HSD17B12: variants seen among roughly 807,000 people sequenced by gnomAD.
HSD17B12 encodes the protein very-long-chain 3-oxoacyl-CoA reductase.
A neutral mutation model predicts 39.3 loss-of-function variants in HSD17B12; 32 were observed. The ratio of observed to expected loss-of-function variants is 0.81; its 90% CI spans 0.61 to 1.09. The LOEUF (loss-of-function observed/expected upper bound fraction) is 1.09, where lower values mean the gene tolerates loss of function less well. Ranked by LOEUF, HSD17B12 falls within the 50% of genes least tolerant of loss-of-function variation. The pLI is 0.00. For missense variants in HSD17B12, 342 were observed against 382.9 expected, an observed-to-expected ratio of 0.89 and a Z score of 0.89; for synonymous variants, 150 against 146.7, an observed-to-expected ratio of 1.02 and a Z score of -0.16.
At chr11:43,686,612 T>C (rs1405765495) in intron 1 of HSD17B12, among the ~76,000 whole-genome samples, 10 of 148,082 alleles carry the variant, frequency 6.8e-5, no homozygotes, top group Admixed American at 2.0e-4. Context: ...TTTTTTTTTT[T>C]CCTGTTCTTT....
intron 1 of HSD17B12, among the ~76,000 whole-genome samples, chr11:43,722,133 G>T (rs1035620640): frequency 6.6e-6 from 1 of 152,202 alleles, no homozygotes; most frequent in Non-Finnish European, 1.5e-5. Context: ...TAAATGGGTG[G>T]TCCCATGGGG....
the HSD17B12 span, among the ~76,000 whole-genome samples, chr11:43,651,324 A>G: frequency 6.6e-6 from 1 of 152,226 alleles, no homozygotes; most frequent in Admixed American, 6.5e-5. Context: ...GAGGTCAAAC[A>G]ATACTCCCTC....
the HSD17B12 span, among the ~76,000 whole-genome samples, chr11:43,658,561 A>C: frequency 6.6e-6 from 1 of 152,080 alleles, no homozygotes; most frequent in African/African-American, 2.4e-5. Flanking sequence ...TGACATACAG[A>C]TGGGTTTTTG....
chr11:43,730,832 A>T (rs1204141776), intron 1 of HSD17B12, among the ~76,000 whole-genome samples: 1 of 152,150 alleles, frequency 6.6e-6, no homozygotes, highest in Non-Finnish European at 1.5e-5. Context: ...CTCTGGCCCA[A>T]ACATAGGACT....
chr11:43,790,634 A>C (rs1950858870), intron 3 of HSD17B12, among the ~76,000 whole-genome samples: 1 of 152,228 alleles, frequency 6.6e-6, no homozygotes, highest in African/African-American at 2.4e-5. Context: ...TATGATTCAC[A>C]CTGAGAGCAG....
intron 1 of HSD17B12, among the ~76,000 whole-genome samples, chr11:43,715,411 A>C (rs1289470426): frequency 6.6e-6 from 1 of 152,136 alleles, no homozygotes. Flanking sequence ...GGTTCTGTTT[A>C]TATGCTGGAT....
the HSD17B12 span, among the ~76,000 whole-genome samples, chr11:43,637,944 T>C: frequency 9.8e-5 from 15 of 152,322 alleles, no homozygotes; most frequent in East Asian, 2.9e-3. Context: ...ACCATGGCCC[T>C]CTGTGCACTT....
intron 1 of HSD17B12, chr11:43,734,243 C>T: frequency 2.1e-6 from 3 of 1,396,178 alleles, no homozygotes; most frequent in Middle Eastern, 2.3e-4. Context: ...TGGGTTCATC[C>T]TGGACTACGT....
At chr11:43,844,981 GTTGTTTGT>G (rs71308376) in intron 9 of HSD17B12, among the ~76,000 whole-genome samples, 7 of 151,130 alleles carry the variant, frequency 4.6e-5, no homozygotes, top group Admixed American at 3.3e-4. Flanking sequence ...AAAATAAGGG[GTTGTTTGT>G]TTGTTTGTTT....
intron 1 of HSD17B12, among the ~76,000 whole-genome samples, chr11:43,732,614 C>T (rs980571437): frequency 3.9e-5 from 6 of 152,026 alleles, no homozygotes; most frequent in Non-Finnish European, 5.9e-5. Flanking sequence ...CAGGCAGGTG[C>T]CAGCATGCTT....
the HSD17B12 span, among the ~76,000 whole-genome samples, chr11:43,567,313 C>G: frequency 6.6e-6 from 1 of 152,298 alleles, no homozygotes; most frequent in East Asian, 1.9e-4. Flanking sequence ...CTGGGACCAG[C>G]CCCATAAGAA....
chr11:43,744,657 C>T (rs184867191), intron 1 of HSD17B12, among the ~76,000 whole-genome samples: 71 of 152,186 alleles, frequency 4.7e-4, no homozygotes, highest in Non-Finnish European at 1.3e-4. Context: ...AGAAAAAGGA[C>T]ATTCAGTAAC....
intron 8 of HSD17B12, among the ~76,000 whole-genome samples, chr11:43,839,609 C>CA (rs1349384492): frequency 1.3e-5 from 2 of 152,166 alleles, no homozygotes; most frequent in Non-Finnish European, 1.5e-5. Context: ...ACAAAATCCC[C>CA]ATAGAACAGA....
chr11:43,676,839 A>G (rs1313534172), upstream of HSD17B12, among the ~76,000 whole-genome samples: 1 of 152,172 alleles, frequency 6.6e-6, no homozygotes, highest in East Asian at 1.9e-4. Flanking sequence ...GTTAGTTTAT[A>G]ATAACTGTCT....
At chr11:43,720,953 C>T (rs1479348158) in intron 1 of HSD17B12, among the ~76,000 whole-genome samples, 5 of 151,990 alleles carry the variant, frequency 3.3e-5, no homozygotes, top group Admixed American at 6.6e-5. Context: ...TGTGTTGGGC[C>T]TTCATTTCCA....
At chr11:43,796,939 G>A (rs1950921510) in intron 3 of HSD17B12, among the ~76,000 whole-genome samples, 1 of 151,930 alleles carries the variant, frequency 6.6e-6, no homozygotes, top group African/African-American at 2.4e-5. Flanking sequence ...AGACATGTTG[G>A]ACCAGCTATT....
chr11:43,563,853 G>T, the HSD17B12 span, among the ~76,000 whole-genome samples: 1 of 152,042 alleles, frequency 6.6e-6, no homozygotes, highest in Admixed American at 6.6e-5. Context: ...AGTCCCAGTG[G>T]TCATTAGTAA....
At chr11:43,775,679 A>G (rs1412760941) in intron 3 of HSD17B12, among the ~76,000 whole-genome samples, 3 of 151,822 alleles carry the variant, frequency 2.0e-5, no homozygotes, top group Non-Finnish European at 2.9e-5. Flanking sequence ...ACATATGTAT[A>G]CATGTGCCAT....
chr11:43,583,420 G>A, the HSD17B12 span, among the ~76,000 whole-genome samples: 2 of 152,214 alleles, frequency 1.3e-5, no homozygotes, highest in East Asian at 1.9e-4. Context: ...CTGCTGCTTG[G>A]GGCGGCTGCA....
Sources: gnomAD v4.1 joint callset for allele counts (sites outside exome capture counted in the v4.1 genomes callset) on GRCh38, gnomAD v4.1.1 for gene constraint, MANE v1.5 for transcripts, NCBI Gene and HGNC (gene_info 2026-07-23, HGNC 2026-07-21) for gene names.